CPA6: variants seen among roughly 807,000 people sequenced by gnomAD.
The protein encoded by CPA6 is carboxypeptidase A6.
A neutral mutation model predicts 63.3 loss-of-function variants in CPA6; 58 were observed. That is an observed-to-expected ratio of 0.92 (90% CI 0.74 to 1.14). CPA6 has a LOEUF of 1.14. Among genes scored for constraint, CPA6 ranks in the 50% most tolerant of loss-of-function variants. The pLI is 0.00. For synonymous variants in CPA6, 185 were observed against 179.0 expected (o/e 1.03, Z -0.27); for missense variants, 565 against 526.6 (o/e 1.07, Z -0.71).
At chr8:67,472,864 A>G (rs2128959363) in intron 8 of CPA6, among the ~76,000 whole-genome samples, 1 of 152,358 alleles carries the variant, frequency 6.6e-6, no homozygotes, top group East Asian at 1.9e-4. Flanking sequence ...ACATTTACTC[A>G]CAAGAATAAT....
At chr8:67,656,765 G>A (rs1295584549) in intron 1 of CPA6, among the ~76,000 whole-genome samples, 1 of 152,110 alleles carries the variant, frequency 6.6e-6, no homozygotes, top group Non-Finnish European at 1.5e-5. Flanking sequence ...GATCTGTATG[G>A]GCCTACAACC....
At chr8:67,539,230 G>T (rs562350830) in intron 2 of CPA6, among the ~76,000 whole-genome samples, 16 of 152,286 alleles carry the variant, frequency 1.1e-4, no homozygotes, top group Admixed American at 9.8e-4. Flanking sequence ...TGTCTGTAAA[G>T]GATTTTATTT....
intron 1 of CPA6, among the ~76,000 whole-genome samples, chr8:67,696,095 C>T (rs779090709): frequency 1.3e-5 from 2 of 152,104 alleles, no homozygotes; most frequent in Non-Finnish European, 2.9e-5. Flanking sequence ...GGATCCTGAC[C>T]ACCAAGGGGA....
chr8:67,598,335 T>A (rs77213798), intron 2 of CPA6, among the ~76,000 whole-genome samples: 2,865 of 152,312 alleles, frequency 0.019, 40 homozygotes, highest in African/African-American at 0.038. Context: ...TTTATTTTTA[T>A]TGCAGATTTA....
chr8:67,736,485 A>T (rs1198015297), intron 1 of CPA6, among the ~76,000 whole-genome samples: 1 of 152,128 alleles, frequency 6.6e-6, no homozygotes, highest in Non-Finnish European at 1.5e-5. Flanking sequence ...AGTGGATACG[A>T]CTTTGCAGCA....
chr8:67,472,669 C>A (rs965008010), intron 8 of CPA6, among the ~76,000 whole-genome samples: 2 of 152,106 alleles, frequency 1.3e-5, no homozygotes, highest in African/African-American at 2.4e-5. Flanking sequence ...CTCAAGTGAT[C>A]CACTTGCCTT....
chr8:67,491,123 A>G (rs999237949), intron 6 of CPA6, among the ~76,000 whole-genome samples: 1 of 152,056 alleles, frequency 6.6e-6, no homozygotes, highest in African/African-American at 2.4e-5. Context: ...TAGGACTGGT[A>G]AACACTGCGG....
At chr8:67,690,800 C>A (rs987446537) in intron 1 of CPA6, among the ~76,000 whole-genome samples, 18 of 152,138 alleles carry the variant, frequency 1.2e-4, no homozygotes, top group African/African-American at 3.1e-4. Context: ...GGCTAGATTG[C>A]AGGAAATATG....
intron 2 of CPA6, among the ~76,000 whole-genome samples, chr8:67,592,369 CA>C: frequency 3.3e-5 from 5 of 152,130 alleles, no homozygotes. Flanking sequence ...GTGTCTCTGC[CA>C]CACTTTGGTA....
At position 67,601,233 on chromosome 8, in the gene CPA6, C is replaced by T. The variant is rs182956308; in HGVS notation, c.192+22943G>A. 1.6e-4 allele frequency among the ~76,000 whole-genome samples: 24 copies of T among 152,322 alleles called. No individual in the cohort carries two copies. In the East Asian group the frequency reaches 3.9e-3, roughly 24 times the overall value. On this transcript the variant is annotated intron_variant, in intron 2 of 10. Transcript: ENST00000297770. The stretch of plus-strand genomic sequence containing the variant: ...AAAGCTAATTTCTCACTTGGCAGAA[C>T]TCTCTAGCTCAACGGTAATATCACA...
intron 2 of CPA6, among the ~76,000 whole-genome samples, chr8:67,619,062 A>G (rs1388766302): frequency 1.3e-5 from 2 of 152,232 alleles, no homozygotes; most frequent in East Asian, 3.8e-4. Context: ...CTAATTAACT[A>G]TGCTTTGACA....
At chr8:67,513,676 T>C (rs1426076627) in intron 3 of CPA6, among the ~76,000 whole-genome samples, 1 of 152,070 alleles carries the variant, frequency 6.6e-6, no homozygotes, top group East Asian at 1.9e-4. Context: ...CAACCTTAAA[T>C]TAAAAAATAA....
At chr8:67,612,883 A>C (rs1036374029) in intron 2 of CPA6, among the ~76,000 whole-genome samples, 1 of 152,244 alleles carries the variant, frequency 6.6e-6, no homozygotes, top group Non-Finnish European at 1.5e-5. Flanking sequence ...AAAGAGATAC[A>C]GACATTTTTG....
intron 2 of CPA6, among the ~76,000 whole-genome samples, chr8:67,592,271 T>C (rs374543783): frequency 2.0e-5 from 3 of 152,196 alleles, no homozygotes; most frequent in South Asian, 2.1e-4. Flanking sequence ...TTTTGATGTG[T>C]TGCTGGATTC....
At chr8:67,672,028 C>T (rs1487489016) in intron 1 of CPA6, among the ~76,000 whole-genome samples, 1 of 152,072 alleles carries the variant, frequency 6.6e-6, no homozygotes, top group African/African-American at 2.4e-5. Context: ...CAGGGTTTCA[C>T]CATATTGGCC....
chr8:67,666,147 C>A (rs969242849), intron 1 of CPA6, among the ~76,000 whole-genome samples: 2 of 152,208 alleles, frequency 1.3e-5, no homozygotes, highest in African/African-American at 4.8e-5. Flanking sequence ...GACATGACCT[C>A]TTCAAGAGTT....
chr8:67,621,878 T>C (rs1815091553), intron 2 of CPA6, among the ~76,000 whole-genome samples: 1 of 152,152 alleles, frequency 6.6e-6, no homozygotes, highest in Admixed American at 6.5e-5. Flanking sequence ...GAAAACAATC[T>C]GCAGGAATGA....
intron 2 of CPA6, 53 bp downstream of exon 2, chr8:67,624,123 T>C (rs530014994): frequency 9.0e-7 from 1 of 1,116,466 alleles, no homozygotes; most frequent in East Asian, 2.4e-5. Context: ...AGCAAATCCC[T>C]GTAAACACTC....
chr8:67,594,039 G>A (rs1329875426), intron 2 of CPA6, among the ~76,000 whole-genome samples: 1 of 151,488 alleles, frequency 6.6e-6, no homozygotes, highest in Non-Finnish European at 1.5e-5. Context: ...GCCTTTCCAT[G>A]TTTAGTGCTT....
Sources: allele counts gnomAD v4.1 joint callset (sites outside exome capture counted in the v4.1 genomes callset), GRCh38; gene constraint gnomAD v4.1.1; transcripts MANE v1.5; gene names NCBI Gene and HGNC (gene_info 2026-07-23, HGNC 2026-07-21).